Variants in CHPT1 observed in about 807,000 individuals in gnomAD.
CHPT1 encodes cholinephosphotransferase 1.
CHPT1 carries 36 observed loss-of-function variants against 47.6 expected under a neutral mutation model. That is an observed-to-expected ratio of 0.76 (90% confidence interval 0.58 to 1.00). The LOEUF (loss-of-function observed/expected upper bound fraction) is 1.00. CHPT1 is among the 50% of genes least tolerant of loss of function. The pLI, the probability that CHPT1 is intolerant of heterozygous loss-of-function variation, is 0.00. For synonymous variants in CHPT1, 194 were observed against 186.3 expected, an observed-to-expected ratio of 1.04 and a Z score of -0.33; for missense variants, 458 against 498.1, an observed-to-expected ratio of 0.92 and a Z score of 0.77.
At chr12:101,698,844 C>G (rs776411403) in intron 1 of CHPT1, among the ~76,000 whole-genome samples, 2 of 152,086 alleles carry the variant, frequency 1.3e-5, no homozygotes, top group Non-Finnish European at 2.9e-5. Context: ...TCAGAAGCAC[C>G]CTTTGGGCTG....
At chr12:101,709,382 C>A in intron 1 of CHPT1, among the ~76,000 whole-genome samples, 1 of 114,100 alleles carries the variant, frequency 8.8e-6, no homozygotes. Context: ...AGAGTGAGAC[C>A]TGTGTCAAAA....
Position 101,728,887 on chromosome 12 carries a change from A to G in CHPT1, c.1177-14A>G. The G allele has an allele frequency of 6.2e-7, 1 of 1,612,920 alleles. No individual in the cohort carries two copies. Among genetic ancestry groups the G allele is most frequent in the Non-Finnish European group, 8.5e-7 (1 of 1,179,296 alleles). ...GCTTCTTAGCTAACGTTATAATTGTATCATATTACTTAGGTTCAAGTTCTT... is the reference window on the plus strand; with the variant it reads ...GCTTCTTAGCTAACGTTATAATTGTGTCATATTACTTAGGTTCAAGTTCTT... On this transcript the variant is annotated splice_polypyrimidine_tract_variant and intron_variant, in intron 8 of 8. Coordinates refer to ENST00000229266, the MANE Select transcript of CHPT1 (RefSeq NM_020244.3).
At chr12:101,725,309 TAAAA>T (rs922175348) in intron 7 of CHPT1, among the ~76,000 whole-genome samples, 1 of 147,352 alleles carries the variant, frequency 6.8e-6, no homozygotes, top group Non-Finnish European at 1.5e-5. Flanking sequence ...CAGGCAAAAT[TAAAA>T]AAAAAAATGT....
At chr12:101,698,599 G>A (rs1353376865) in intron 1 of CHPT1, among the ~76,000 whole-genome samples, 1 of 152,232 alleles carries the variant, frequency 6.6e-6, no homozygotes, top group Non-Finnish European at 1.5e-5. Flanking sequence ...TTTCTGGAAG[G>A]TTGAGCTAGT....
At chr12:101,704,350 GACTCTT>G (rs1951599685) in intron 1 of CHPT1, among the ~76,000 whole-genome samples, 1 of 150,276 alleles carries the variant, frequency 6.7e-6, no homozygotes, top group Non-Finnish European at 1.5e-5. Flanking sequence ...TAAAAACTTA[GACTCTT>G]ACTCTGACTT....
Position 101,704,621 on chromosome 12 carries a change from G to A in CHPT1, c.273+6487G>A, listed in dbSNP as rs556333204. ...TCACTATGTTGGTCAGGCTGGGCTCGAACTCCTGACCTCGGGTGATCCACC... is the reference window on the plus strand; with the variant it reads ...TCACTATGTTGGTCAGGCTGGGCTCAAACTCCTGACCTCGGGTGATCCACC... On this transcript the variant is annotated intron_variant, in intron 1 of 8. Coordinates refer to ENST00000229266, the MANE Select transcript of CHPT1 (RefSeq NM_020244.3). 1.4e-3 allele frequency among the ~76,000 whole-genome samples: 207 copies of A among 145,752 alleles called. 2 individuals carry two copies. The highest frequency in any genetic ancestry group is 5.0e-3 in the African/African-American group (197 of 39,394).
chr12:101,726,415 A>C lies in CHPT1; in HGVS notation c.1176+11A>C. 6.2e-7 allele frequency: 1 copy of C among 1,610,542 alleles called. No individual in the cohort carries two copies. The highest frequency in any genetic ancestry group is 1.1e-5 in the South Asian group (1 of 90,924). On this transcript the variant is annotated intron_variant, in intron 8 of 8. Transcript: ENST00000229266. The stretch of plus-strand genomic sequence containing the variant: ...CAAGCACCTGAACAGGTTCACAAGC[A>C]TATTGACTGACTAATAGCCCAAGGA...
Position 101,723,852 on chromosome 12 carries a change from G to A in CHPT1, c.1065+5G>A, listed in dbSNP as rs373712055. 1.5e-5 allele frequency: 22 copies of A among 1,495,676 alleles called. No individual in the cohort carries two copies. The highest frequency in any genetic ancestry group is 1.9e-5 in the Non-Finnish European group (21 of 1,087,218). The allele number at this position is 1,495,676 out of a possible 1,614,324, so 92.7% of individuals were successfully genotyped here. On this transcript the variant is annotated splice_donor_5th_base_variant and intron_variant, in intron 7 of 8. Coordinates refer to ENST00000229266, the MANE Select transcript of CHPT1 (RefSeq NM_020244.3). ...GTTGTTCTATGGATGGCAATGGTAAGTATTTTTCTCCATTTTATTTATTTT... is the reference window on the plus strand; with the variant it reads ...GTTGTTCTATGGATGGCAATGGTAAATATTTTTCTCCATTTTATTTATTTT...
chr12:101,719,911 A>T (rs1951822722), intron 4 of CHPT1: 3 of 272,330 alleles, frequency 1.1e-5, no homozygotes, highest in Non-Finnish European at 2.0e-5. Flanking sequence ...GTACTTGGCT[A>T]GTCTACAAAA....
intron 3 of CHPT1, among the ~76,000 whole-genome samples, chr12:101,716,378 T>C (rs922988441): frequency 1.4e-4 from 22 of 152,206 alleles, no homozygotes; most frequent in African/African-American, 5.3e-4. Flanking sequence ...TTTTTCCTTA[T>C]GTACACAAGT....
chr12:101,725,424 TA>T (rs1951927053), intron 7 of CHPT1, among the ~76,000 whole-genome samples: 1 of 152,130 alleles, frequency 6.6e-6, no homozygotes, highest in South Asian at 2.1e-4. Flanking sequence ...TTAATCAAAA[TA>T]TCTAAAAACT....
chr12:101,699,681 G>A (rs2559850), intron 1 of CHPT1, among the ~76,000 whole-genome samples: 82,476 of 152,070 alleles, frequency 0.54, 22,853 homozygotes, highest in Admixed American at 0.61. Context: ...GAGCCACTGC[G>A]CCAGGCTTAT....
At chr12:101,728,360 C>T (rs1019362587) in intron 8 of CHPT1, 2 of 153,368 alleles carry the variant, frequency 1.3e-5, no homozygotes, top group African/African-American at 2.4e-5. Flanking sequence ...GACATTATGT[C>T]TTTGTGGCAA....
intron 1 of CHPT1, 39 bp from the exon 2 acceptor site, chr12:101,714,051 A>G (rs1365864274): frequency 7.0e-7 from 1 of 1,435,622 alleles, no homozygotes; most frequent in African/African-American, 1.4e-5. Context: ...AAAGCTTATT[A>G]TCACTTAACA....
At chr12:101,727,645 T>C (rs896747917) in intron 8 of CHPT1, 1 of 152,166 alleles carries the variant, frequency 6.6e-6, no homozygotes, top group African/African-American at 2.4e-5. Context: ...GGAGTACTTA[T>C]TTTGCCTCTA....
At chr12:101,717,568 A>C (rs559296731) in intron 4 of CHPT1, among the ~76,000 whole-genome samples, 5 of 152,188 alleles carry the variant, frequency 3.3e-5, no homozygotes, top group African/African-American at 1.2e-4. Context: ...TATAAAATAG[A>C]TATTATTAGT....
chr12:101,723,053 C>T, intron 5 of CHPT1, 115 bp from the exon 6 acceptor site: 1 of 894,194 alleles, frequency 1.1e-6, no homozygotes, highest in Non-Finnish European at 1.8e-6. Flanking sequence ...GTAGGCCATA[C>T]ACTACATCAC....
At chr12:101,698,219 C>T in intron 1 of CHPT1, 85 bp downstream of exon 1, 4 of 1,351,096 alleles carry the variant, frequency 3.0e-6, no homozygotes, top group Non-Finnish European at 3.8e-6. Context: ...CGGACCCACG[C>T]GCGGCTGAGC....
At chr12:101,720,620 A>G (rs1269642864) in intron 5 of CHPT1, among the ~76,000 whole-genome samples, 1 of 152,206 alleles carries the variant, frequency 6.6e-6, no homozygotes, top group East Asian at 1.9e-4. Flanking sequence ...ATGGTTTCAC[A>G]TATGGGGGGA....
Sources: gnomAD v4.1 joint callset for allele counts (sites outside exome capture counted in the v4.1 genomes callset) on GRCh38, gnomAD v4.1.1 for gene constraint, MANE v1.5 for transcripts, NCBI Gene and HGNC (gene_info 2026-07-23, HGNC 2026-07-21) for gene names.